The following HK2 variants were observed in gnomAD, a reference collection of about 807,000 sequenced individuals.
HK2 encodes the protein hexokinase-2.
Under a neutral mutation model 92.9 loss-of-function variants are expected in HK2, and 42 were observed. The observed-to-expected ratio is 0.45, with a 90% CI of 0.35 to 0.58. HK2 has a LOEUF of 0.58. HK2 is among the 20% of genes least tolerant of loss of function. HK2 has a pLI of 0.00. For missense variants in HK2, 978 were observed against 1,245.1 expected, an observed-to-expected ratio of 0.79 and a Z score of 3.23; for synonymous variants, 422 against 468.0, an observed-to-expected ratio of 0.90 and a Z score of 1.27.
chr2:74,881,751 T>G lies in HK2; in HGVS notation c.1611T>G (p.Asn537Lys), dbSNP rs1255562609. The G allele has an allele frequency of 1.9e-6, 3 of 1,614,186 alleles. No individual in the cohort carries two copies. The highest frequency in any genetic ancestry group is 8.5e-7 in the Non-Finnish European group (1 of 1,180,026). Residue 537 changes from asparagine to lysine, a missense_variant, in exon 11 of 18, where the codon AAT (asparagine) becomes AAG (lysine). Coordinates refer to ENST00000290573, the MANE Select transcript of HK2 (RefSeq NM_000189.5). Reference sequence around the variant, plus strand: ...TGGCCTTGGACCTTGGAGGAACAAATTTCCGGGTCCTGCTGGTCCGTGTTC... The same window carrying G: ...TGGCCTTGGACCTTGGAGGAACAAAGTTCCGGGTCCTGCTGGTCCGTGTTC... ...DFLALDLGGT[N>K]FRVLLVRVRN... is the part of the protein sequence containing the mutation.
rs775335323 is a variant in HK2 at position 74,890,859 on chromosome 2, T to A, written c.2672T>A (p.Leu891Gln). Residue 891 changes from leucine to glutamine, a missense_variant, in exon 18 of 18, where the codon CTG becomes CAG. Transcript: ENST00000290573. ...GCTCCGAAATGTGATGTGTCTTTCCTGCAGTCAGAGGATGGCAGCGGGAAG... is the reference window on the plus strand; with the variant it reads ...GCTCCGAAATGTGATGTGTCTTTCCAGCAGTCAGAGGATGGCAGCGGGAAG... ...DLAPKCDVSF[L>Q]QSEDGSGKGA... The A allele has an allele frequency of 3.1e-6, 5 of 1,614,206 alleles. No homozygotes were observed. Among genetic ancestry groups the A allele is most frequent in the Middle Eastern group, 1.6e-4 (1 of 6,062 alleles).
At chr2:74,836,704 A>G (rs150629766) in intron 1 of HK2, among the ~76,000 whole-genome samples, 1,527 of 152,288 alleles carry the variant, frequency 0.01, 28 homozygotes, top group African/African-American at 0.036. Context: ...CTCCCAGCTT[A>G]GGTGAGCGAA....
At chr2:74,857,867 C>T (rs1339112193) in intron 2 of HK2, among the ~76,000 whole-genome samples, 1 of 152,114 alleles carries the variant, frequency 6.6e-6, no homozygotes, top group Non-Finnish European at 1.5e-5. Context: ...TTAGCGATTC[C>T]CCCCATGTGG....
chr2:74,854,615 A>G (rs908661609), intron 2 of HK2, among the ~76,000 whole-genome samples, 160 bp downstream of exon 2: 4 of 152,206 alleles, frequency 2.6e-5, no homozygotes, highest in African/African-American at 9.6e-5. Context: ...GATGGACAGG[A>G]AGCTTGGGAA....
At chr2:74,887,855 TCCCTCCA>T in intron 15 of HK2, 41 bp from the exon 16 acceptor site, 1 of 1,597,488 alleles carries the variant, frequency 6.3e-7, no homozygotes, top group Non-Finnish European at 8.6e-7. Context: ...TCTCAACACA[TCCCTCCA>T]CCTTCCTACT....
chr2:74,838,454 G>A (rs1043516849), intron 1 of HK2, among the ~76,000 whole-genome samples: 1 of 151,446 alleles, frequency 6.6e-6, no homozygotes, highest in Admixed American at 6.6e-5. Flanking sequence ...CCTGAGGAGG[G>A]AGAGAGAAAG....
Position 74,886,498 on chromosome 2 carries a change from A to G in HK2, c.2044A>G (p.Ser682Gly). 6.2e-7 allele frequency: 1 copy of G among 1,614,068 alleles called. No homozygotes were observed. Among genetic ancestry groups the G allele is most frequent in the Non-Finnish European group, 8.5e-7 (1 of 1,179,980 alleles). Residue 682 changes from serine to glycine, a missense_variant, in exon 15 of 18, where the codon AGC (serine) becomes GGC (glycine). This residue lies in a region of HK2 where 742 missense variants were observed against 922.5 expected (regional missense o/e 0.80). Transcript: ENST00000290573. ...TATCCTGTGATTGGCAGGCACGGGC[A>G]GCAATGCCTGCTACATGGAGGAGAT... ...CEVGLIVGTG[S>G]NACYMEEMRN...
rs1005328031 is a variant in HK2 at position 74,854,419 on chromosome 2, C to T, written c.190C>T (p.Leu64=). The T allele has an allele frequency of 6.2e-7, 1 of 1,614,234 alleles. No homozygotes were observed. The highest frequency in any genetic ancestry group is 1.1e-5 in the South Asian group (1 of 91,086). ...TCACCCTACTGCAGCAGTGAAGATG[C>T]TGCCCACCTTTGTGAGGTCCACTCC... The part of the protein sequence containing the change: ...TTHPTAAVKM[L]PTFVRSTPDG... Residue 64 remains leucine, a synonymous_variant, in exon 2 of 18, where the codon CTG becomes TTG. Transcript: ENST00000290573.
intron 17 of HK2, 57 bp from the exon 18 acceptor site, chr2:74,890,740 T>C (rs894533754): frequency 5.6e-6 from 9 of 1,604,512 alleles, no homozygotes; most frequent in Non-Finnish European, 6.8e-6. Context: ...TAAGTGCAAA[T>C]ACAAACCAAT....
intron 1 of HK2, among the ~76,000 whole-genome samples, chr2:74,848,663 T>G (rs1256510131): frequency 6.6e-6 from 1 of 152,232 alleles, no homozygotes; most frequent in African/African-American, 2.4e-5. Flanking sequence ...TTAAAACCCT[T>G]GAGTACCTTA....
intron 7 of HK2, among the ~76,000 whole-genome samples, chr2:74,875,013 G>C (rs568538862): frequency 6.6e-6 from 1 of 152,326 alleles, no homozygotes; most frequent in Admixed American, 6.5e-5. Context: ...ATGGATTGGA[G>C]GAGGGGCGTC....
chr2:74,869,893 A>G (rs763103639), intron 3 of HK2, among the ~76,000 whole-genome samples: 20 of 152,078 alleles, frequency 1.3e-4, no homozygotes, highest in Non-Finnish European at 2.5e-4. Context: ...ACTGTCTCCT[A>G]TCTTCCCTGT....
chr2:74,883,085 T>G (rs1558804482), intron 12 of HK2, among the ~76,000 whole-genome samples: 1 of 152,160 alleles, frequency 6.6e-6, no homozygotes, highest in African/African-American at 2.4e-5. Flanking sequence ...GATCTGCTGA[T>G]GACTGGTAGC....
intron 3 of HK2, among the ~76,000 whole-genome samples, chr2:74,871,644 C>A (rs565914510): frequency 1.9e-4 from 29 of 152,346 alleles, no homozygotes; most frequent in Middle Eastern, 6.8e-3. Context: ...ATTTATTTCT[C>A]AGCGCTCTTC....
In HK2 at chr2:74,886,801, G is replaced by A. The variant is rs1181529737; in HGVS notation, c.2219+128G>A. On this transcript the variant is annotated intron_variant, in intron 15 of 17. Transcript: ENST00000290573. The stretch of plus-strand genomic sequence containing the variant: ...AGATGTTAATAAAGGAGGTTTTCTT[G>A]GAAAGGGTTTCTTGTCGAATGCACC... 6 of 984,350 alleles carry A rather than the reference G, an allele frequency of 6.1e-6. No homozygotes were observed. In the Admixed American group the frequency reaches 9.7e-5, roughly 16 times the overall value. The allele number at this position is 984,350 out of a possible 1,614,324, so 61.0% of individuals were successfully genotyped here.
chr2:74,873,473 T>C (rs987383533), intron 5 of HK2, 102 bp downstream of exon 5: 1 of 765,002 alleles, frequency 1.3e-6, no homozygotes, highest in East Asian at 2.5e-5. Context: ...TACGTGGAGC[T>C]TAAGGAGAGT....
chr2:74,885,890 A>C (rs1004847571), intron 13 of HK2, among the ~76,000 whole-genome samples: 1 of 151,666 alleles, frequency 6.6e-6, no homozygotes, highest in African/African-American at 2.4e-5. Context: ...ACACACAGTA[A>C]AGGAATAAAA....
rs1688638089 is a variant in HK2, at chr2:74,854,204, T to C, written c.64-89T>C. ...TCTGTACATAACAGATTTTGTTCTTTTGAAGAGCTGAGTGGTGTTCCATGA... is the reference window on the plus strand; with the variant it reads ...TCTGTACATAACAGATTTTGTTCTTCTGAAGAGCTGAGTGGTGTTCCATGA... On this transcript the variant is annotated intron_variant, in intron 1 of 17. Transcript: ENST00000290573. 5 of 1,263,896 alleles carry C rather than the reference T, an allele frequency of 4.0e-6. No individual in the cohort carries two copies. In the African/African-American group the frequency reaches 7.4e-5, roughly 19 times the overall value. The allele number at this position is 1,263,896 out of a possible 1,614,324, so 78.3% of individuals were successfully genotyped here.
chr2:74,853,679 C>A (rs539901350), intron 1 of HK2, among the ~76,000 whole-genome samples: 1 of 151,198 alleles, frequency 6.6e-6, no homozygotes, highest in Non-Finnish European at 1.5e-5. Flanking sequence ...GCCTGGACAA[C>A]TGGAGCGATA....
Sources: gnomAD v4.1 joint callset for allele counts (sites outside exome capture counted in the v4.1 genomes callset) on GRCh38, gnomAD v4.1.1 for gene constraint, gnomAD v4.1.1 regional missense constraint, MANE v1.5 for transcripts, NCBI Gene and HGNC (gene_info 2026-07-23, HGNC 2026-07-21) for gene names.